The following ARHGAP44 variants were observed in gnomAD, a reference collection of about 807,000 sequenced individuals.
The protein encoded by ARHGAP44 is Rho GTPase activating protein 44, also known as rho GTPase-activating protein 44.
A neutral mutation model predicts 106.8 loss-of-function variants in ARHGAP44; 43 were observed. The observed-to-expected ratio is 0.40, with a 90% CI of 0.32 to 0.52. The LOEUF (loss-of-function observed/expected upper bound fraction) is 0.52, where lower values mean the gene tolerates loss of function less well. Among genes scored for constraint, ARHGAP44 ranks in the 20% least tolerant of loss-of-function variants. The pLI, the probability that ARHGAP44 is intolerant of heterozygous loss-of-function variation, is 0.48. For missense variants in ARHGAP44, 866 were observed against 1,050.5 expected, an observed-to-expected ratio of 0.82 and a Z score of 2.43; for synonymous variants, 439 against 410.3, an observed-to-expected ratio of 1.07 and a Z score of -0.85.
intron 16 of ARHGAP44, among the ~76,000 whole-genome samples, chr17:12,961,238 A>T (rs1242533434): frequency 6.6e-6 from 1 of 152,234 alleles, no homozygotes; most frequent in Non-Finnish European, 1.5e-5. Flanking sequence ...CTGCAGGCAG[A>T]TGCAGAAGCT....
chr17:12,956,595 G>T (rs1355247497), intron 14 of ARHGAP44, 60 bp from the exon 15 acceptor site: 4 of 1,444,772 alleles, frequency 2.8e-6, no homozygotes. Flanking sequence ...AGGACCATGG[G>T]CCTCAAAGCT....
At chr17:12,940,104 C>T (rs2038665528) in intron 7 of ARHGAP44, among the ~76,000 whole-genome samples, 1 of 152,180 alleles carries the variant, frequency 6.6e-6, no homozygotes, top group Non-Finnish European at 1.5e-5. Context: ...TAGTTACCTG[C>T]TTTCATTAGT....
intron 1 of ARHGAP44, among the ~76,000 whole-genome samples, chr17:12,862,581 G>A (rs141418021): frequency 4.2e-4 from 64 of 152,298 alleles, no homozygotes; most frequent in African/African-American, 1.5e-3. Flanking sequence ...TAATCTTTCA[G>A]GTTCTTACCA....
In ARHGAP44 at chr17:12,789,701, C is replaced by G; in HGVS notation, c.-138C>G. On this transcript the variant is annotated 5_prime_UTR_variant, in exon 1 of 21. Transcript: ENST00000379672. ...CCCTCGGGAGGGAGCTGCGCGCGGG[C>G]CAGACGGCGCCCGGAGGCTCCGCAG... 1 of 679,342 alleles carries G rather than the reference C, an allele frequency of 1.5e-6. No homozygotes were observed. Among genetic ancestry groups the G allele is most frequent in the East Asian group, 3.6e-5 (1 of 27,470 alleles). The allele number at this position is 679,342 out of a possible 1,614,324, so 42.1% of individuals were successfully genotyped here. A position where few individuals can be genotyped will look rare whatever the true frequency, so the allele number is the denominator to read the frequency against.
At chr17:12,923,155 A>G (rs1006476282) in intron 6 of ARHGAP44, among the ~76,000 whole-genome samples, 7 of 152,186 alleles carry the variant, frequency 4.6e-5, no homozygotes, top group Admixed American at 1.3e-4. Context: ...GATTTTTCAT[A>G]GCCCACTTTG....
intron 16 of ARHGAP44, among the ~76,000 whole-genome samples, chr17:12,961,676 G>T (rs1412131336): frequency 6.6e-6 from 1 of 152,154 alleles, no homozygotes; most frequent in Non-Finnish European, 1.5e-5. Flanking sequence ...GGAGGTTGTG[G>T]TGAGTCAAGA....
chr17:12,903,807 A>G (rs2037467687), intron 3 of ARHGAP44, among the ~76,000 whole-genome samples: 1 of 152,088 alleles, frequency 6.6e-6, no homozygotes. Context: ...CCTCTGTAGA[A>G]GACTGGATAT....
At chr17:12,902,449 C>T (rs934633658) in intron 3 of ARHGAP44, among the ~76,000 whole-genome samples, 1 of 152,196 alleles carries the variant, frequency 6.6e-6, no homozygotes, top group African/African-American at 2.4e-5. Context: ...CTTCATAGCA[C>T]ATATTAGTAT....
At chr17:12,967,126 G>A (rs2039410274) in intron 16 of ARHGAP44, among the ~76,000 whole-genome samples, 1 of 142,100 alleles carries the variant, frequency 7.0e-6, no homozygotes, top group Non-Finnish European at 1.5e-5. Flanking sequence ...TTTTGCTGGG[G>A]CAGGTCTTTG....
intron 13 of ARHGAP44, among the ~76,000 whole-genome samples, chr17:12,955,263 A>G (rs1156505905): frequency 6.6e-6 from 1 of 152,192 alleles, no homozygotes; most frequent in African/African-American, 2.4e-5. Context: ...TCATCCCTTT[A>G]TGGACATTTG....
intron 1 of ARHGAP44, among the ~76,000 whole-genome samples, chr17:12,889,140 T>A (rs2036967819): frequency 6.6e-6 from 1 of 152,228 alleles, no homozygotes; most frequent in African/African-American, 2.4e-5. Flanking sequence ...CTTTCTGTTT[T>A]TCATTGCTTG....
chr17:12,878,198 G>A (rs2036616269), intron 1 of ARHGAP44, among the ~76,000 whole-genome samples: 1 of 151,526 alleles, frequency 6.6e-6, no homozygotes, highest in Admixed American at 6.6e-5. Flanking sequence ...TGTATTCAGT[G>A]TTTCTCTAAC....
intron 1 of ARHGAP44, among the ~76,000 whole-genome samples, chr17:12,820,269 T>C (rs1023135708): frequency 3.3e-5 from 5 of 152,140 alleles, no homozygotes; most frequent in African/African-American, 4.8e-5. Context: ...TAAATAATAA[T>C]TGTACATATT....
At chr17:12,848,174 A>G (rs1389821407) in intron 1 of ARHGAP44, among the ~76,000 whole-genome samples, 10 of 152,214 alleles carry the variant, frequency 6.6e-5, no homozygotes, top group Non-Finnish European at 1.5e-4. Flanking sequence ...GCTACTTTCC[A>G]TAAGAATAGA....
At chr17:12,932,232 A>G (rs1290474364) in intron 7 of ARHGAP44, among the ~76,000 whole-genome samples, 1 of 152,142 alleles carries the variant, frequency 6.6e-6, no homozygotes, top group Non-Finnish European at 1.5e-5. Context: ...AAGAAAAACT[A>G]CCTCTTCACT....
chr17:12,841,639 C>CACAAAAAAAA (rs1555546108), intron 1 of ARHGAP44, among the ~76,000 whole-genome samples: 30 of 137,450 alleles, frequency 2.2e-4, no homozygotes, highest in African/African-American at 8.5e-4. Context: ...CACACACACA[C>CACAAAAAAAA]AAACAAACAA....
chr17:12,919,363 A>G (rs538021157), intron 5 of ARHGAP44, among the ~76,000 whole-genome samples: 1 of 151,854 alleles, frequency 6.6e-6, no homozygotes, highest in African/African-American at 2.4e-5. Flanking sequence ...GGTGACTTCC[A>G]ATAGTTCTTT....
intron 16 of ARHGAP44, among the ~76,000 whole-genome samples, chr17:12,963,878 G>A (rs908605056): frequency 6.6e-6 from 1 of 152,318 alleles, no homozygotes; most frequent in East Asian, 1.9e-4. Flanking sequence ...TAAATGGCCT[G>A]GCCTGGGATA....
At chr17:12,964,286 A>AT (rs148404209) in intron 16 of ARHGAP44, among the ~76,000 whole-genome samples, 9 of 151,598 alleles carry the variant, frequency 5.9e-5, no homozygotes, top group African/African-American at 1.2e-4. Flanking sequence ...GGTCAAATCA[A>AT]TTTTTTTTTC....
Sources: gnomAD v4.1 joint callset for allele counts (sites outside exome capture counted in the v4.1 genomes callset) on GRCh38, gnomAD v4.1.1 for gene constraint, MANE v1.5 for transcripts, NCBI Gene and HGNC (gene_info 2026-07-23, HGNC 2026-07-21) for gene names.